The following TECPR2 variants were observed in gnomAD, a reference collection of about 807,000 sequenced individuals.
TECPR2 encodes the protein tectonin beta-propeller repeat containing 2.
TECPR2 carries 65 observed loss-of-function variants against 138.1 expected under a neutral mutation model. The observed-to-expected ratio is 0.47, with a 90% CI of 0.39 to 0.58. The LOEUF is 0.58. Among genes scored for constraint, TECPR2 ranks in the 20% least tolerant of loss-of-function variants. The pLI is 0.00. For missense variants in TECPR2, 1,553 were observed against 1,824.5 expected (o/e 0.85, Z 2.71); for synonymous variants, 746 against 749.8 (o/e 0.99, Z 0.08).
At chr14:102,445,727 C>T in intron 12 of TECPR2, 79 bp from the exon 13 acceptor site, 4 of 1,495,884 alleles carry the variant, frequency 2.7e-6, no homozygotes, top group Non-Finnish European at 3.6e-6. Context: ...TGCCGGGAGA[C>T]CCTGGATGTC....
chr14:102,464,058 T>A (rs896841701), intron 16 of TECPR2, among the ~76,000 whole-genome samples: 1 of 152,344 alleles, frequency 6.6e-6, no homozygotes, highest in African/African-American at 2.4e-5. Flanking sequence ...GGTCCAAACC[T>A]TAGATCCTCC....
In TECPR2 at chr14:102,428,213, GTGTTTTT is replaced by G. The variant is rs762988279; in HGVS notation, c.952-28_952-22del. On this transcript the variant is annotated intron_variant, in intron 6 of 19. Transcript: ENST00000359520. ...TGAGCTGTTACCGTTGTTTAGTTTTGTGTTTTTTGTTTTTTTTTTTTTTTTTTTTTTG... is the reference window on the plus strand; with the variant it reads ...TGAGCTGTTACCGTTGTTTAGTTTTGTGTTTTTTTTTTTTTTTTTTTTTTG... 204 of 1,404,998 alleles carry G rather than the reference GTGTTTTT, an allele frequency of 1.5e-4. No individual in the cohort carries two copies. The African/African-American group carries it at 2.5e-3, about 18-fold the overall frequency. The allele number at this position is 1,404,998 out of a possible 1,614,324, so 87.0% of individuals were successfully genotyped here. A position where few individuals can be genotyped will look rare whatever the true frequency, so the allele number is the denominator to read the frequency against.
At chr14:102,366,447 A>C (rs1248109344) in intron 1 of TECPR2, among the ~76,000 whole-genome samples, 2 of 152,100 alleles carry the variant, frequency 1.3e-5, no homozygotes, top group African/African-American at 4.8e-5. Context: ...CCCAGGTTCA[A>C]GTGATTCTCC....
rs1401880280 is a variant in TECPR2 at position 102,414,789 on chromosome 14, A to G, written c.634A>G (p.Lys212Glu). 1.2e-6 allele frequency: 2 copies of G among 1,613,858 alleles called. No homozygotes were observed. Among genetic ancestry groups the G allele is most frequent in the African/African-American group, 2.7e-5 (2 of 74,920 alleles). Reference sequence around the variant, plus strand: ...AAGGCAAATTGGAACACAACCAAGGAAAAGGTAAGTTTCACAAGTTTGCCA... The same window carrying G: ...AAGGCAAATTGGAACACAACCAAGGGAAAGGTAAGTTTCACAAGTTTGCCA... ...SVRQIGTQPR[K>E]STGKFGACFI... The change falls in exon 5 of 20, where the codon AAA becomes GAA. Residue 212 changes from lysine to glutamate, a missense_variant. By Grantham distance (56) the Lys-to-Glu change is moderately conservative. Coordinates refer to ENST00000359520, the MANE Select transcript of TECPR2 (RefSeq NM_014844.5).
rs765318084 is a variant in TECPR2, at chr14:102,450,642, G to A, written c.3399G>A (p.Thr1133=). Residue 1133 remains threonine, a synonymous_variant, in exon 15 of 20, where the codon ACG becomes ACA. Transcript: ENST00000359520. ...WAFVLASAAP[T]KEGSFLWLCQ... The stretch of plus-strand genomic sequence containing the variant: ...TTGTGTTGGCTTCTGCAGCTCCCAC[G>A]AAGGAAGGTGGGTCAGTCTTAGCCT... 8.7e-6 allele frequency: 14 copies of A among 1,614,136 alleles called. No individual in the cohort carries two copies. In the East Asian group the frequency reaches 8.9e-5, roughly 10 times the overall value.
chr14:102,394,015 ACTT>A lies in TECPR2; in HGVS notation c.220-13319_220-13317del, dbSNP rs568920623. ...TTCTAAGGAAAATATTTTGTTTTCA[ACTT>A]CTTGCCACCATGTCAAGACTGTACA... is the stretch of plus-strand genomic sequence containing the variant. On this transcript the variant is annotated intron_variant, in intron 2 of 19. Coordinates refer to ENST00000359520, the MANE Select transcript of TECPR2 (RefSeq NM_014844.5). 1.3e-3 allele frequency among the ~76,000 whole-genome samples: 199 copies of A among 152,336 alleles called. 2 individuals are homozygous for A. In the South Asian group the frequency reaches 0.02, roughly 15 times the overall value.
At position 102,499,417 on chromosome 14, in the gene TECPR2, C is replaced by G. The variant is rs1891385625; in HGVS notation, c.*1160C>G. ...ATGTTTTCCGAAAACAGTGGAAGCC[C>G]TTTGTTCCTTCCCGGGTTTGTCCTG... On this transcript the variant is annotated 3_prime_UTR_variant, in exon 20 of 20. Transcript: ENST00000359520. The G allele has an allele frequency of 8.5e-6, 5 of 585,958 alleles. No homozygotes were observed. Among genetic ancestry groups the G allele is most frequent in the Non-Finnish European group, 1.5e-5 (5 of 328,356 alleles). 36.3% of individuals were successfully genotyped at this position (585,958 alleles called of 1,614,324 possible). A position where few individuals can be genotyped will look rare whatever the true frequency, so the allele number is the denominator to read the frequency against.
rs572531053 is a variant in TECPR2 at position 102,386,925 on chromosome 14, A to C, written c.219+9985A>C. ...CTAAGATTCCTGCTTCAAGGCACGTATCTCTGATTGCCTAACCATTGTGCT... is the reference window on the plus strand; with the variant it reads ...CTAAGATTCCTGCTTCAAGGCACGTCTCTCTGATTGCCTAACCATTGTGCT... On this transcript the variant is annotated intron_variant, in intron 2 of 19. Coordinates refer to ENST00000359520, the MANE Select transcript of TECPR2 (RefSeq NM_014844.5). Among the ~76,000 whole-genome samples, 8 of 152,290 alleles carry C rather than the reference A, an allele frequency of 5.3e-5. No individual in the cohort carries two copies. In the East Asian group the frequency reaches 1.5e-3, roughly 29 times the overall value.
chr14:102,410,470 TAA>T (rs60487259), intron 4 of TECPR2, among the ~76,000 whole-genome samples: 2 of 135,548 alleles, frequency 1.5e-5, no homozygotes, highest in African/African-American at 5.7e-5. Context: ...AAAAATAAAT[TAA>T]AAAAAAAAAT....
At position 102,398,088 on chromosome 14, in the gene TECPR2, AAAAG is replaced by A. The variant is rs1265341769; in HGVS notation, c.220-9246_220-9243del. The stretch of plus-strand genomic sequence containing the variant: ...ATTCTGTCTCAAAAAAAAAAAAAAA[AAAAG>A]AAAAAAGAAAGAAAAGAAAAAGGAA... On this transcript the variant is annotated intron_variant, in intron 2 of 19. Transcript: ENST00000359520. Among the ~76,000 whole-genome samples the A allele has an allele frequency of 4.6e-4, 69 of 149,700 alleles. No homozygotes were observed. In the South Asian group the frequency reaches 9.5e-3, roughly 21 times the overall value.
chr14:102,484,951 G>A (rs528319580), intron 17 of TECPR2, among the ~76,000 whole-genome samples: 4 of 152,320 alleles, frequency 2.6e-5, no homozygotes, highest in South Asian at 4.1e-4. Flanking sequence ...GAGCCACTGC[G>A]CCCGCCCCGT....
chr14:102,450,478 G>A, intron 14 of TECPR2, 82 bp from the exon 15 acceptor site: 4 of 1,369,922 alleles, frequency 2.9e-6, no homozygotes, highest in Non-Finnish European at 3.1e-6. Context: ...TTGAAGGCCA[G>A]CTGTCGTCCA....
intron 2 of TECPR2, among the ~76,000 whole-genome samples, chr14:102,387,596 G>A (rs1308630704): frequency 3.3e-5 from 5 of 150,786 alleles, no homozygotes; most frequent in Non-Finnish European, 7.4e-5. Context: ...GCGCCATCTC[G>A]GCTCACTGCA....
chr14:102,409,758 A>G (rs934290831), intron 4 of TECPR2, among the ~76,000 whole-genome samples: 3 of 152,196 alleles, frequency 2.0e-5, no homozygotes, highest in African/African-American at 7.2e-5. Flanking sequence ...CATATGGGTT[A>G]TCTCTACCAA....
At chr14:102,417,888 G>A (rs1452723767) in intron 5 of TECPR2, among the ~76,000 whole-genome samples, 4 of 150,768 alleles carry the variant, frequency 2.7e-5, no homozygotes, top group Admixed American at 2.0e-4. Flanking sequence ...GCTGGCACGG[G>A]AGTCCAGGGG....
chr14:102,437,896 T>C, intron 9 of TECPR2, 126 bp from the exon 10 acceptor site: 1 of 1,099,784 alleles, frequency 9.1e-7, no homozygotes. Context: ...AGGGTTGACT[T>C]GGCGTCTTGC....
At chr14:102,491,777 C>T (rs918685074) in intron 17 of TECPR2, among the ~76,000 whole-genome samples, 2 of 152,192 alleles carry the variant, frequency 1.3e-5, no homozygotes, top group Non-Finnish European at 2.9e-5. Context: ...TGGCCCTTCT[C>T]TCTGTTACGC....
intron 16 of TECPR2, among the ~76,000 whole-genome samples, chr14:102,459,552 C>T (rs2093298762): frequency 6.6e-6 from 1 of 151,952 alleles, no homozygotes; most frequent in Admixed American, 6.6e-5. Context: ...GGCCAAGGTG[C>T]GTAGATCACG....
chr14:102,371,099 GCATT>G (rs1053434660), intron 1 of TECPR2, among the ~76,000 whole-genome samples: 9 of 152,188 alleles, frequency 5.9e-5, no homozygotes, highest in African/African-American at 2.2e-4. Context: ...AGTTTTAGGA[GCATT>G]GGGATTTGAA....
Sources: allele counts gnomAD v4.1 joint callset (sites outside exome capture counted in the v4.1 genomes callset), GRCh38; gene constraint gnomAD v4.1.1; transcripts MANE v1.5; gene names NCBI Gene and HGNC (gene_info 2026-07-23, HGNC 2026-07-21).